PRKDC: variants seen among roughly 807,000 people sequenced by gnomAD.
PRKDC encodes the protein protein kinase, DNA-activated, catalytic subunit.
A neutral mutation model predicts 486.9 loss-of-function variants in PRKDC; 82 were observed. The ratio of observed to expected loss-of-function variants is 0.17; its 90% CI spans 0.14 to 0.20. The LOEUF (loss-of-function observed/expected upper bound fraction) is 0.20. Among genes scored for constraint, PRKDC ranks in the 10% least tolerant of loss-of-function variants. PRKDC has a pLI of 1.00. For synonymous variants in PRKDC, 1,895 were observed against 1,837.0 expected (o/e 1.03, Z -0.81); for missense variants, 4,504 against 5,038.2 (o/e 0.89, Z 3.21).
intron 1 of PRKDC, among the ~76,000 whole-genome samples, chr8:47,959,535 C>T (rs1348690145): frequency 6.6e-6 from 1 of 151,834 alleles, no homozygotes; most frequent in Admixed American, 6.6e-5. Context: ...AAAAATTAGC[C>T]GGGCGTGGTG....
chr8:47,867,310 G>C (rs1399346045), intron 40 of PRKDC, among the ~76,000 whole-genome samples: 2 of 152,068 alleles, frequency 1.3e-5, no homozygotes, highest in Non-Finnish European at 2.9e-5. Context: ...ATATAGCTTT[G>C]ATTTTAGTCA....
intron 1 of PRKDC, among the ~76,000 whole-genome samples, 181 bp downstream of exon 1, chr8:47,959,792 T>G (rs923338039): frequency 6.6e-6 from 1 of 152,152 alleles, no homozygotes; most frequent in African/African-American, 2.4e-5. Flanking sequence ...CCTCTAATAC[T>G]AGGGGGTAAA....
Position 47,820,709 on chromosome 8 carries a change from ATAGT to A in PRKDC, c.9336+6_9336+9del, listed in dbSNP as rs2087572085. On this transcript the variant is annotated splice_donor_region_variant and intron_variant, in intron 66 of 85. Coordinates refer to ENST00000314191, the MANE Select transcript of PRKDC (RefSeq NM_006904.7). ...ATATACAAGCATATATATATAATATATAGTATTACCTGCATAAAACTCTGAATGC... is the reference window on the plus strand; with the variant it reads ...ATATACAAGCATATATATATAATATAATTACCTGCATAAAACTCTGAATGC... 7.1e-7 allele frequency: 1 copy of A among 1,409,286 alleles called. No homozygotes were observed. Among genetic ancestry groups the A allele is most frequent in the Admixed American group, 2.1e-5 (1 of 47,232 alleles). 87.3% of individuals were successfully genotyped at this position (1,409,286 alleles called of 1,614,324 possible). A position where few individuals can be genotyped will look rare whatever the true frequency, so the allele number is the denominator to read the frequency against.
chr8:47,824,724 A>G (rs576509857), intron 63 of PRKDC, among the ~76,000 whole-genome samples: 3 of 152,290 alleles, frequency 2.0e-5, no homozygotes, highest in South Asian at 4.1e-4. Context: ...TCTTTACCTT[A>G]ACAAAATTCT....
intron 27 of PRKDC, 44 bp downstream of exon 27, chr8:47,902,525 T>G: frequency 7.2e-7 from 1 of 1,381,976 alleles, no homozygotes; most frequent in South Asian, 1.9e-5. Context: ...CAAGTCACCT[T>G]TCAAAACCAC....
At chr8:47,873,758 A>C (rs1413830542) in intron 40 of PRKDC, among the ~76,000 whole-genome samples, 4 of 152,202 alleles carry the variant, frequency 2.6e-5, no homozygotes, top group African/African-American at 4.8e-5. Flanking sequence ...TAAGGCACAG[A>C]AAGACAATCT....
intron 21 of PRKDC, among the ~76,000 whole-genome samples, chr8:47,925,433 G>A (rs1489124173): frequency 1.3e-5 from 2 of 152,202 alleles, no homozygotes; most frequent in Non-Finnish European, 2.9e-5. Context: ...AAAATGTCAA[G>A]TCATGAGAAC....
chr8:47,915,301 A>G, intron 23 of PRKDC, 27 bp downstream of exon 23: 1 of 1,302,226 alleles, frequency 7.7e-7, no homozygotes. Context: ...ATATCTACAG[A>G]GGTTATTTAT....
intron 85 of PRKDC, among the ~76,000 whole-genome samples, chr8:47,776,137 TG>T (rs1321348144): frequency 7.2e-5 from 11 of 152,134 alleles, no homozygotes; most frequent in Non-Finnish European, 1.0e-4. Context: ...TATTTCTAAG[TG>T]TTTTATAGTT....
At chr8:47,933,560 A>C (rs2090294959) in intron 15 of PRKDC, among the ~76,000 whole-genome samples, 2 of 152,218 alleles carry the variant, frequency 1.3e-5, no homozygotes, top group Non-Finnish European at 2.9e-5. Context: ...ATGTAAGTAC[A>C]TGCACATATA....
At chr8:47,955,461 C>CAAAAAA (rs746883720) in intron 4 of PRKDC, among the ~76,000 whole-genome samples, 1 of 18,520 alleles carries the variant, frequency 5.4e-5, no homozygotes, top group Non-Finnish European at 1.3e-4. Context: ...GACTCCGTCT[C>CAAAAAA]AAAAAAAAAA....
Position 47,936,431 on chromosome 8 carries a change from T to C in PRKDC, c.1200A>G (p.Thr400=), listed in dbSNP as rs1465288333. ...GATAAACACGGTCGTCACCAGTGTC[T>C]GTCTGGGTGAGGAACATCTGCTTGC... is the stretch of plus-strand genomic sequence containing the variant. ...QRCKQMFLTQ[T]DTGDDRVYQM... Residue 400 remains threonine, a synonymous_variant, in exon 12 of 86, where the codon ACA becomes ACG. Transcript: ENST00000314191. 2.5e-6 allele frequency: 4 copies of C among 1,614,060 alleles called. No individual in the cohort carries two copies. In the South Asian group the frequency reaches 3.3e-5, roughly 13 times the overall value.
At chr8:47,834,420 C>G (rs747372961) in intron 58 of PRKDC, 24 bp from the exon 59 acceptor site, 2 of 1,610,018 alleles carry the variant, frequency 1.2e-6, no homozygotes, top group African/African-American at 1.3e-5. Flanking sequence ...TCAGAGAGGT[C>G]AGGCACTCAG....
At chr8:47,786,361 G>A (rs1169929612) in intron 76 of PRKDC, among the ~76,000 whole-genome samples, 1 of 151,904 alleles carries the variant, frequency 6.6e-6, no homozygotes, top group East Asian at 1.9e-4. Context: ...GCAGTGAGCC[G>A]AGATCATGCC....
chr8:47,775,290 G>C (rs2086588046), intron 85 of PRKDC, among the ~76,000 whole-genome samples: 8 of 151,074 alleles, frequency 5.3e-5, no homozygotes, highest in Admixed American at 4.6e-4. Flanking sequence ...TAGTGACGTT[G>C]AGCATTTTTG....
Position 47,778,604 on chromosome 8 carries a change from T to C in PRKDC, c.11708A>G (p.His3903Arg), listed in dbSNP as rs773567672. The C allele has an allele frequency of 2.5e-6, 4 of 1,613,600 alleles. No individual in the cohort carries two copies. Among genetic ancestry groups the C allele is most frequent in the African/African-American group, 2.7e-5 (2 of 74,918 alleles). Residue 3903 changes from histidine to arginine, a missense_variant, in exon 83 of 86, where the codon CAC becomes CGC. His to Arg is a conservative substitution (Grantham distance 29). This residue lies in a region of PRKDC where 706 missense variants were observed against 945.0 expected (regional missense o/e 0.75). Transcript: ENST00000314191. ...SPEAFLALRS[H>R]FASSHALICI... is the part of the protein sequence containing the mutation. The stretch of plus-strand genomic sequence containing the variant: ...TATCAGAGCGTGAGAGCTGGCGAAG[T>C]GGGAGCGGAGCGCCAGGAAAGCCTC...
intron 39 of PRKDC, among the ~76,000 whole-genome samples, chr8:47,878,739 T>C (rs1436344085): frequency 6.6e-6 from 1 of 152,214 alleles, no homozygotes; most frequent in African/African-American, 2.4e-5. Flanking sequence ...AGGATCCTTA[T>C]CCTATCTCAT....
At chr8:47,777,611 C>T in intron 84 of PRKDC, 75 bp downstream of exon 84, 2 of 1,370,300 alleles carry the variant, frequency 1.5e-6, no homozygotes, top group Admixed American at 4.6e-5. Flanking sequence ...GCACTTCCAT[C>T]ATACACGAGA....
intron 39 of PRKDC, 145 bp from the exon 40 acceptor site, chr8:47,877,996 TAAC>T (rs908483204): frequency 5.4e-6 from 3 of 552,910 alleles, no homozygotes; most frequent in Non-Finnish European, 7.8e-6. Flanking sequence ...TTCACAGACT[TAAC>T]AAATACCAGT....
Sources: allele counts gnomAD v4.1 joint callset (sites outside exome capture counted in the v4.1 genomes callset), GRCh38; gene constraint gnomAD v4.1.1; regional missense constraint gnomAD v4.1.1; transcripts MANE v1.5; gene names NCBI Gene and HGNC (gene_info 2026-07-23, HGNC 2026-07-21).